The following ROBO2 variants were observed in gnomAD, a reference collection of about 807,000 sequenced individuals.
ROBO2 encodes the protein roundabout guidance receptor 2.
ROBO2 carries 53 observed loss-of-function variants against 160.8 expected under a neutral mutation model. That is an observed-to-expected ratio of 0.33 (90% confidence interval 0.26 to 0.41). The LOEUF (loss-of-function observed/expected upper bound fraction) is 0.41, where lower values mean the gene tolerates loss of function less well. Ranked by LOEUF, ROBO2 falls within the 10% of genes least tolerant of loss-of-function variation. The pLI, the probability that ROBO2 is intolerant of heterozygous loss-of-function variation, is 1.00. For synonymous variants in ROBO2, 664 were observed against 611.7 expected (o/e 1.09, Z -1.26); for missense variants, 1,577 against 1,722.4 (o/e 0.92, Z 1.49).
intron 2 of ROBO2, among the ~76,000 whole-genome samples, chr3:76,921,483 A>G (rs1577496509): frequency 6.6e-6 from 1 of 152,086 alleles, no homozygotes; most frequent in East Asian, 1.9e-4. Context: ...GTGGTGACGC[A>G]CACTTGTAAT....
intron 2 of ROBO2, among the ~76,000 whole-genome samples, chr3:77,169,852 A>T (rs1405431423): frequency 6.6e-6 from 1 of 152,162 alleles, no homozygotes; most frequent in Non-Finnish European, 1.5e-5. Flanking sequence ...TTCCCCACCA[A>T]GGGGGCAGGA....
intron 2 of ROBO2, among the ~76,000 whole-genome samples, chr3:76,445,220 G>C (rs185628120): frequency 3.2e-4 from 49 of 152,196 alleles, no homozygotes; most frequent in African/African-American, 1.2e-3. Context: ...CTTTCTGAAA[G>C]TATAATTGTA....
chr3:77,628,456 G>A (rs2095083131), intron 23 of ROBO2, among the ~76,000 whole-genome samples: 1 of 143,364 alleles, frequency 7.0e-6, no homozygotes, highest in Non-Finnish European at 1.5e-5. Context: ...GTGGGGGGGG[G>A]GTAATTGTTT....
intron 20 of ROBO2, among the ~76,000 whole-genome samples, chr3:77,605,904 G>T (rs2094518244): frequency 6.6e-6 from 1 of 152,138 alleles, no homozygotes; most frequent in African/African-American, 2.4e-5. Flanking sequence ...AAGGAATAAA[G>T]GAGGTGAAAC....
chr3:76,113,681 TA>T (rs1046306187), intron 2 of ROBO2, among the ~76,000 whole-genome samples: 1 of 152,134 alleles, frequency 6.6e-6, no homozygotes, highest in Non-Finnish European at 1.5e-5. Flanking sequence ...ACTCTCATAA[TA>T]AAGGATTTAA....
chr3:76,810,337 T>G (rs1477814125), intron 2 of ROBO2, among the ~76,000 whole-genome samples: 1 of 152,162 alleles, frequency 6.6e-6, no homozygotes, highest in East Asian at 1.9e-4. Flanking sequence ...ACTTTTTGAT[T>G]ATTTATAGCG....
intron 2 of ROBO2, among the ~76,000 whole-genome samples, chr3:76,555,717 A>G (rs529121548): frequency 2.0e-5 from 3 of 152,258 alleles, no homozygotes; most frequent in African/African-American, 7.2e-5. Flanking sequence ...TGTAAATACT[A>G]TATCAATTTG....
intron 2 of ROBO2, among the ~76,000 whole-genome samples, chr3:76,690,123 G>A (rs960048540): frequency 2.0e-5 from 3 of 152,104 alleles, no homozygotes. Flanking sequence ...AGCAAGGGGA[G>A]TATGGAAACA....
chr3:77,142,669 A>G (rs74597224), intron 2 of ROBO2, among the ~76,000 whole-genome samples: 2,001 of 152,316 alleles, frequency 0.013, 40 homozygotes, highest in African/African-American at 0.045. Flanking sequence ...GAGGAGTTCC[A>G]TCACCACTCA....
intron 2 of ROBO2, among the ~76,000 whole-genome samples, chr3:77,209,702 A>T (rs765291113): frequency 2.0e-5 from 3 of 152,178 alleles, no homozygotes; most frequent in Non-Finnish European, 4.4e-5. Context: ...ATGTTTGTGG[A>T]GTTAGTTTCC....
intron 2 of ROBO2, among the ~76,000 whole-genome samples, chr3:76,844,630 C>A (rs2068613494): frequency 6.6e-6 from 1 of 151,800 alleles, no homozygotes; most frequent in South Asian, 2.1e-4. Flanking sequence ...TGTTCAAAAT[C>A]CAATTTAAGG....
chr3:77,466,872 G>C (rs182113060), intron 2 of ROBO2, among the ~76,000 whole-genome samples: 36 of 152,274 alleles, frequency 2.4e-4, no homozygotes, highest in African/African-American at 8.2e-4. Context: ...ATGACATCTG[G>C]CAGTTACTTG....
intron 16 of ROBO2, among the ~76,000 whole-genome samples, chr3:77,583,214 T>G (rs2153679217): frequency 6.6e-6 from 1 of 151,576 alleles, no homozygotes; most frequent in Admixed American, 6.6e-5. Context: ...CCATGAGTGC[T>G]TCAGTCTTTT....
intron 2 of ROBO2, among the ~76,000 whole-genome samples, chr3:76,612,968 C>G (rs867393703): frequency 3.9e-5 from 6 of 151,922 alleles, no homozygotes; most frequent in African/African-American, 1.5e-4. Context: ...CTATATGTGT[C>G]TTTATAGGTG....
chr3:77,473,389 C>T (rs1329819053), intron 2 of ROBO2, among the ~76,000 whole-genome samples: 1 of 149,168 alleles, frequency 6.7e-6, no homozygotes. Context: ...TTCACCCGTG[C>T]AAGCTTCCGG....
Position 77,160,593 on chromosome 3 carries a change from C to G in ROBO2, c.388+62253C>G, listed in dbSNP as rs566100498. ...ATTTCTTTACCTGAATTATTCTGTT[C>G]TATAAACTGATATATGTAATACATT... On this transcript the variant is annotated intron_variant, in intron 2 of 25. Transcript: ENST00000461745. Among the ~76,000 whole-genome samples, 5 of 152,214 alleles carry G rather than the reference C, an allele frequency of 3.3e-5. No individual in the cohort carries two copies. In the South Asian group the frequency reaches 1.0e-3, roughly 32 times the overall value.
intron 2 of ROBO2, among the ~76,000 whole-genome samples, chr3:76,789,620 C>CT (rs1313890184): frequency 6.6e-6 from 1 of 151,582 alleles, no homozygotes; most frequent in African/African-American, 2.4e-5. Flanking sequence ...AACTCATTTT[C>CT]TTTTTTCAAA....
rs142576122 is a variant in ROBO2, at chr3:76,525,926, C to G, written c.110-572088C>G. Among the ~76,000 whole-genome samples the G allele has an allele frequency of 5.3e-3, 806 of 152,022 alleles. 6 individuals are homozygous for G. The highest frequency in any genetic ancestry group is 0.019 in the African/African-American group (786 of 41,512). ...ATTCCATTTAGAAAGCAGAAACAGACAGTGCCATTAGTTATGGCACCCTTG... is the reference window on the plus strand; with the variant it reads ...ATTCCATTTAGAAAGCAGAAACAGAGAGTGCCATTAGTTATGGCACCCTTG... On this transcript the variant is annotated intron_variant, in intron 2 of 26. Transcript: ENST00000487694.
chr3:77,477,765 A>G (rs78076623), intron 3 of ROBO2, among the ~76,000 whole-genome samples, 194 bp downstream of exon 3: 3 of 151,802 alleles, frequency 2.0e-5, no homozygotes, highest in African/African-American at 7.3e-5. Flanking sequence ...TCAAGTGTAC[A>G]TGAAATATTA....
Sources: allele counts gnomAD v4.1 joint callset (sites outside exome capture counted in the v4.1 genomes callset), GRCh38; gene constraint gnomAD v4.1.1; transcripts MANE v1.5; gene names NCBI Gene and HGNC (gene_info 2026-07-23, HGNC 2026-07-21).